The following YWHAG variants were observed in gnomAD, a reference collection of about 807,000 sequenced individuals.
YWHAG encodes tyrosine 3-monooxygenase/tryptophan 5-monooxygenase activation protein gamma.
A neutral mutation model predicts 23.3 loss-of-function variants in YWHAG; 1 was observed. The observed-to-expected ratio is 0.04, with a 90% CI of 0.02 to 0.20. The LOEUF (loss-of-function observed/expected upper bound fraction) is 0.20, where lower values mean the gene tolerates loss of function less well. Among genes scored for constraint, YWHAG ranks in the 10% least tolerant of loss-of-function variants. The probability of loss-of-function intolerance (pLI) is 1.00; values close to 1 mark genes in which losing one functional copy is unlikely to be tolerated. For synonymous variants in YWHAG, 160 were observed against 144.0 expected (o/e 1.11, Z -0.80); for missense variants, 151 against 338.6 (o/e 0.45, Z 4.35).
chr7:76,340,830 C>T (rs2115618194), intron 1 of YWHAG, among the ~76,000 whole-genome samples: 1 of 152,320 alleles, frequency 6.6e-6, no homozygotes, highest in East Asian at 1.9e-4. Context: ...TATGACTCAG[C>T]AATTCCACTC....
intron 1 of YWHAG, among the ~76,000 whole-genome samples, chr7:76,353,554 C>G (rs1424539322): frequency 1.3e-5 from 2 of 152,114 alleles, no homozygotes. Flanking sequence ...AATTTTCTAC[C>G]ACTCAAATTC....
chr7:76,354,136 A>G (rs1346033918), intron 1 of YWHAG, among the ~76,000 whole-genome samples: 1 of 152,102 alleles, frequency 6.6e-6, no homozygotes, highest in African/African-American at 2.4e-5. Context: ...AACACTAAGT[A>G]ACTTTCAAAA....
At chr7:76,353,007 GAA>G (rs1489743054) in intron 1 of YWHAG, among the ~76,000 whole-genome samples, 1 of 152,100 alleles carries the variant, frequency 6.6e-6, no homozygotes, top group Non-Finnish European at 1.5e-5. Context: ...CTCAGGTAAA[GAA>G]AAGTCTATTT....
chr7:76,332,184 G>C (rs1803552605), intron 1 of YWHAG, among the ~76,000 whole-genome samples: 1 of 152,178 alleles, frequency 6.6e-6, no homozygotes, highest in African/African-American at 2.4e-5. Context: ...TACTACTTGA[G>C]TTCAGAGCAG....
At chr7:76,358,406 T>C (rs980024873) in intron 1 of YWHAG, among the ~76,000 whole-genome samples, 1 of 152,066 alleles carries the variant, frequency 6.6e-6, no homozygotes, top group Non-Finnish European at 1.5e-5. Context: ...GCCTCCCCGC[T>C]CGGGTCCCCT....
At chr7:76,349,713 G>A (rs1583992563) in intron 1 of YWHAG, among the ~76,000 whole-genome samples, 1 of 152,172 alleles carries the variant, frequency 6.6e-6, no homozygotes, top group South Asian at 2.1e-4. Flanking sequence ...CCAAACATCT[G>A]AAGTCTTTTT....
intron 1 of YWHAG, among the ~76,000 whole-genome samples, chr7:76,343,696 T>C (rs1399158791): frequency 6.6e-6 from 1 of 152,190 alleles, no homozygotes; most frequent in African/African-American, 2.4e-5. Flanking sequence ...AACTTGGTCA[T>C]GTGACTTGGT....
intron 1 of YWHAG, among the ~76,000 whole-genome samples, chr7:76,357,784 G>A (rs1803982773): frequency 6.6e-6 from 1 of 152,182 alleles, no homozygotes; most frequent in African/African-American, 2.4e-5. Context: ...CTTCTGGAAT[G>A]ACTTGATACT....
chr7:76,336,801 T>C (rs1803623255), intron 1 of YWHAG, among the ~76,000 whole-genome samples: 1 of 150,706 alleles, frequency 6.6e-6, no homozygotes, highest in Admixed American at 6.6e-5. Flanking sequence ...GGTATGAGAC[T>C]TGGCTCCATC....
chr7:76,341,122 T>C (rs1583987639), intron 1 of YWHAG, among the ~76,000 whole-genome samples: 1 of 151,934 alleles, frequency 6.6e-6, no homozygotes, highest in African/African-American at 2.4e-5. Flanking sequence ...GCTGGGAGGG[T>C]TGGCTCATGC....
intron 1 of YWHAG, among the ~76,000 whole-genome samples, chr7:76,350,147 T>C (rs989660391): frequency 6.6e-6 from 1 of 152,034 alleles, no homozygotes; most frequent in Admixed American, 6.6e-5. Context: ...AAAGTTTCCA[T>C]TAGTCAAAGG....
chr7:76,332,056 T>G (rs1301205572), intron 1 of YWHAG, among the ~76,000 whole-genome samples: 1 of 152,194 alleles, frequency 6.6e-6, no homozygotes, highest in Non-Finnish European at 1.5e-5. Flanking sequence ...GTGGTGTTGT[T>G]AAAGTTAACA....
chr7:76,346,166 T>G (rs1045712743), intron 1 of YWHAG, among the ~76,000 whole-genome samples: 5 of 152,184 alleles, frequency 3.3e-5, no homozygotes, highest in African/African-American at 1.2e-4. Flanking sequence ...ATCTTAAGTC[T>G]GAACTCACAG....
At chr7:76,349,300 C>G (rs2115641787) in intron 1 of YWHAG, among the ~76,000 whole-genome samples, 1 of 149,002 alleles carries the variant, frequency 6.7e-6, no homozygotes. Flanking sequence ...GATCGCGCCA[C>G]TGCACTCCAG....
In YWHAG at chr7:76,329,640, G is replaced by C. The variant is rs760447255; in HGVS notation, c.681C>G (p.Arg227=). The change falls in exon 2 of 2, where the codon CGC becomes CGG. Residue 227 remains arginine (R), a synonymous_variant. Coordinates refer to ENST00000307630, the MANE Select transcript of YWHAG (RefSeq NM_012479.4). This position sits in a 1 kb window ranked among gnomAD's most constrained non-coding sequence, Gnocchi z 6.1. ...CGCTCGTCCAGAGCGTGAGGTTGTC[G>C]CGGAGGAGCTGCATGATGAGCGTGG... ...KDSTLIMQLL[R]DNLTLWTSDQ... 6.2e-7 allele frequency: 1 copy of C among 1,614,218 alleles called. No individual in the cohort carries two copies. Among genetic ancestry groups the C allele is most frequent in the South Asian group, 1.1e-5 (1 of 91,080 alleles).
At chr7:76,357,840 T>G (rs972119396) in intron 1 of YWHAG, among the ~76,000 whole-genome samples, 2 of 152,162 alleles carry the variant, frequency 1.3e-5, no homozygotes, top group African/African-American at 4.8e-5. Context: ...AGACAGAATA[T>G]TTTTTCCCCC....
chr7:76,338,615 G>A (rs368035581), intron 1 of YWHAG, among the ~76,000 whole-genome samples: 1 of 152,156 alleles, frequency 6.6e-6, no homozygotes, highest in African/African-American at 2.4e-5. Context: ...ACACCACAGA[G>A]AACCAGCTAA....
rs115682560 is a variant in YWHAG, at chr7:76,330,724, G to A, written c.88-491C>T. Among the ~76,000 whole-genome samples the A allele has an allele frequency of 4.0e-3, 615 of 152,278 alleles. 4 individuals carry two copies. The highest frequency in any genetic ancestry group is 0.014 in the African/African-American group (585 of 41,534). The stretch of plus-strand genomic sequence containing the variant: ...ACACCATGTGAATTCTAAACCTCAG[G>A]GAGTCCAAATAAGGGGCATAGGATT... On this transcript the variant is annotated intron_variant, in intron 1 of 1. Transcript: ENST00000307630.
intron 1 of YWHAG, among the ~76,000 whole-genome samples, chr7:76,343,295 G>C (rs74832903): frequency 0.027 from 4,134 of 150,604 alleles, 209 homozygotes; most frequent in African/African-American, 0.094. Flanking sequence ...CATTAGCAAA[G>C]GATCATCTGC....
Sources: allele counts gnomAD v4.1 joint callset (sites outside exome capture counted in the v4.1 genomes callset), GRCh38; gene constraint gnomAD v4.1.1; non-coding constraint Gnocchi (gnomAD v3.1); transcripts MANE v1.5; gene names NCBI Gene and HGNC (gene_info 2026-07-23, HGNC 2026-07-21).